The following ERC2 variants were observed in gnomAD, a reference collection of about 807,000 sequenced individuals.
ERC2 encodes the protein ELKS/RAB6-interacting/CAST family member 2.
ERC2 carries 42 observed loss-of-function variants against 114.8 expected under a neutral mutation model. The observed-to-expected ratio is 0.37, with a 90% CI of 0.29 to 0.47. The LOEUF is 0.47. Among genes scored for constraint, ERC2 ranks in the 20% least tolerant of loss-of-function variants. The pLI, the probability that ERC2 is intolerant of heterozygous loss-of-function variation, is 0.99. For missense variants in ERC2, 939 were observed against 1,150.7 expected, an observed-to-expected ratio of 0.82 and a Z score of 2.66; for synonymous variants, 454 against 425.5, an observed-to-expected ratio of 1.07 and a Z score of -0.82.
intron 3 of ERC2, among the ~76,000 whole-genome samples, chr3:56,290,657 G>T (rs2055024129): frequency 6.6e-6 from 1 of 152,178 alleles, no homozygotes; most frequent in Admixed American, 6.5e-5. Flanking sequence ...GACCGGAATG[G>T]CATTTAGAAG....
intron 17 of ERC2, among the ~76,000 whole-genome samples, chr3:55,523,494 C>G (rs1205461972): frequency 6.6e-6 from 1 of 152,188 alleles, no homozygotes; most frequent in African/African-American, 2.4e-5. Context: ...TTCAATACCA[C>G]TTCTTCAGGG....
intron 13 of ERC2, among the ~76,000 whole-genome samples, chr3:55,941,756 G>T (rs1486411193): frequency 6.6e-6 from 1 of 152,124 alleles, no homozygotes; most frequent in Non-Finnish European, 1.5e-5. Flanking sequence ...TTCATGGATG[G>T]AGAAAAATGG....
chr3:56,130,334 C>T (rs1363355741), intron 6 of ERC2, among the ~76,000 whole-genome samples: 5 of 152,136 alleles, frequency 3.3e-5, no homozygotes, highest in African/African-American at 9.7e-5. Context: ...CTTTTCAGGA[C>T]GAATTCATGT....
At chr3:56,235,979 G>A (rs1369380238) in intron 3 of ERC2, among the ~76,000 whole-genome samples, 1 of 152,186 alleles carries the variant, frequency 6.6e-6, no homozygotes, top group Admixed American at 6.5e-5. Flanking sequence ...TTAAGTGGGA[G>A]GATCAAATTG....
chr3:56,014,936 T>C lies in ERC2; in HGVS notation c.1779+3958A>G, dbSNP rs572820523. 6.6e-5 allele frequency among the ~76,000 whole-genome samples: 10 copies of C among 152,238 alleles called. No individual in the cohort carries two copies. The South Asian group carries it at 1.9e-3, about 28-fold the overall frequency. On this transcript the variant is annotated intron_variant, in intron 8 of 17. Transcript: ENST00000288221. ...ATTATTAAAAGATGAAAAGAGAATA[T>C]CTCTCCCCAAAAAGTCATCTTATTA...
intron 12 of ERC2, among the ~76,000 whole-genome samples, chr3:55,974,267 C>A (rs1310835596): frequency 6.6e-6 from 1 of 152,202 alleles, no homozygotes; most frequent in African/African-American, 2.4e-5. Context: ...TGATTACTAG[C>A]CGGACAGGGG....
intron 17 of ERC2, among the ~76,000 whole-genome samples, chr3:55,522,102 T>A (rs1285339189): frequency 1.3e-5 from 2 of 152,214 alleles, no homozygotes; most frequent in African/African-American, 2.4e-5. Flanking sequence ...TCATGAACTA[T>A]TTTTTAACTT....
chr3:55,698,293 C>T (rs1250559536), intron 16 of ERC2, among the ~76,000 whole-genome samples: 1 of 151,944 alleles, frequency 6.6e-6, no homozygotes, highest in Non-Finnish European at 1.5e-5. Flanking sequence ...TGCACAGCTC[C>T]CAGGAGAACT....
Position 56,402,596 on chromosome 3 carries a change from G to T in ERC2, c.657+31755C>A, listed in dbSNP as rs145376445. Among the ~76,000 whole-genome samples, 308 of 152,182 alleles carry T rather than the reference G, an allele frequency of 2.0e-3. 2 individuals are homozygous for T. The highest frequency in any genetic ancestry group is 7.0e-3 in the African/African-American group (290 of 41,556). Reference sequence around the variant, plus strand: ...TTACAACCCCACTAACAGTGATTAGGGTCCATCTCACTTCTCCTCCCACCA... The same window carrying T: ...TTACAACCCCACTAACAGTGATTAGTGTCCATCTCACTTCTCCTCCCACCA... On this transcript the variant is annotated intron_variant, in intron 2 of 17. Transcript: ENST00000288221.
chr3:55,583,544 T>TTCCTTCCTTCCTTCCTTC (rs2057422581), intron 17 of ERC2, among the ~76,000 whole-genome samples: 1 of 39,028 alleles, frequency 2.6e-5, no homozygotes, highest in African/African-American at 1.4e-4. Flanking sequence ...TTCCTTCCTT[T>TTCCTTCCTTCCTTCCTTC]CTTCCTTCCT....
intron 4 of ERC2, among the ~76,000 whole-genome samples, chr3:56,152,426 G>A (rs1475686596): frequency 1.3e-5 from 2 of 151,000 alleles, no homozygotes; most frequent in Admixed American, 6.6e-5. Context: ...AAGGGGGGGG[G>A]GCGCTAAATA....
intron 15 of ERC2, among the ~76,000 whole-genome samples, chr3:55,730,098 G>A (rs907284618): frequency 1.3e-5 from 2 of 152,122 alleles, no homozygotes; most frequent in African/African-American, 4.8e-5. Flanking sequence ...GATGACAGCT[G>A]TGAGGTATGG....
chr3:55,716,461 GA>G (rs1559541639), intron 15 of ERC2, among the ~76,000 whole-genome samples: 1 of 152,216 alleles, frequency 6.6e-6, no homozygotes, highest in Non-Finnish European at 1.5e-5. Flanking sequence ...AGTGGGATCA[GA>G]AGGCCTGAGC....
chr3:56,218,539 G>A lies in ERC2; in HGVS notation c.1075-45019C>T, dbSNP rs558033644. On this transcript the variant is annotated intron_variant, in intron 3 of 17. Coordinates refer to ENST00000288221, the MANE Select transcript of ERC2 (RefSeq NM_015576.3). ...AAATAGGAACACTTTTACACTGTTG[G>A]TGGGACTGTAAACTAGTTCAACCAT... is the stretch of plus-strand genomic sequence containing the variant. Among the ~76,000 whole-genome samples, 15 of 152,322 alleles carry A rather than the reference G, an allele frequency of 9.8e-5. No individual in the cohort carries two copies. In the East Asian group the frequency reaches 1.3e-3, roughly 14 times the overall value.
intron 7 of ERC2, among the ~76,000 whole-genome samples, chr3:56,050,251 G>C (rs2075699642): frequency 6.6e-6 from 1 of 152,134 alleles, no homozygotes; most frequent in African/African-American, 2.4e-5. Flanking sequence ...TATATTAATA[G>C]GTTTAAAGAT....
chr3:56,129,596 C>T (rs536812841), intron 6 of ERC2, among the ~76,000 whole-genome samples: 5 of 152,120 alleles, frequency 3.3e-5, no homozygotes, highest in Non-Finnish European at 7.4e-5. Context: ...GAAATACATT[C>T]TTTTTCTTCC....
chr3:56,447,303 T>G (rs1434843321), intron 1 of ERC2, among the ~76,000 whole-genome samples: 2 of 152,236 alleles, frequency 1.3e-5, no homozygotes, highest in African/African-American at 4.8e-5. Flanking sequence ...CCTTGTGGCA[T>G]CAAGATGTAA....
rs570589289 is a variant in ERC2, at chr3:55,526,758, G to A, written c.*40-15482C>T. ...AGGAAGCACGAGGGGACTCGTCCCC[G>A]GGCCAGGGTCTTCACGGGGCCTTGG... On this transcript the variant is annotated intron_variant, in intron 17 of 17. Transcript: ENST00000288221. 4.6e-5 allele frequency among the ~76,000 whole-genome samples: 7 copies of A among 152,320 alleles called. No homozygotes were observed. In the South Asian group the frequency reaches 1.4e-3, roughly 32 times the overall value.
intron 5 of ERC2, 44 bp downstream of exon 5, chr3:56,148,933 C>A (rs1224726836): frequency 1.1e-5 from 17 of 1,568,696 alleles, no homozygotes; most frequent in Middle Eastern, 1.7e-4. Context: ...CTGTAACTTT[C>A]TAGTCACATT....
Sources: gnomAD v4.1 joint callset for allele counts (sites outside exome capture counted in the v4.1 genomes callset) on GRCh38, gnomAD v4.1.1 for gene constraint, MANE v1.5 for transcripts, NCBI Gene and HGNC (gene_info 2026-07-23, HGNC 2026-07-21) for gene names.